ERBB4: variants seen among roughly 807,000 people sequenced by gnomAD.
The protein encoded by ERBB4 is erb-b2 receptor tyrosine kinase 4.
Under a neutral mutation model 158.0 loss-of-function variants are expected in ERBB4, and 42 were observed. That is an observed-to-expected ratio of 0.27 (90% CI 0.21 to 0.34). The LOEUF is 0.34. ERBB4 is among the 10% of genes least tolerant of loss of function. The probability of loss-of-function intolerance (pLI) is 1.00; values close to 1 mark genes in which losing one functional copy is unlikely to be tolerated. For synonymous variants in ERBB4, 583 were observed against 558.7 expected, an observed-to-expected ratio of 1.04 and a Z score of -0.61; for missense variants, 1,333 against 1,624.1, an observed-to-expected ratio of 0.82 and a Z score of 3.08.
chr2:212,216,057 G>C (rs2083089053), intron 1 of ERBB4, among the ~76,000 whole-genome samples: 1 of 151,282 alleles, frequency 6.6e-6, no homozygotes, highest in South Asian at 2.1e-4. Flanking sequence ...AAAAAGATTT[G>C]CGCCGGTGTT....
intron 20 of ERBB4, among the ~76,000 whole-genome samples, chr2:211,520,686 T>C (rs2066163467): frequency 6.6e-6 from 1 of 152,158 alleles, no homozygotes; most frequent in Admixed American, 6.5e-5. Flanking sequence ...CTTTAGTTGA[T>C]TGTACTGCAC....
At chr2:211,979,524 A>AACTTAATTT (rs2081730847) in intron 2 of ERBB4, among the ~76,000 whole-genome samples, 2 of 152,134 alleles carry the variant, frequency 1.3e-5, no homozygotes, top group African/African-American at 4.8e-5. Context: ...GTAATCCTTA[A>AACTTAATTT]ACTTAATTTT....
intron 2 of ERBB4, among the ~76,000 whole-genome samples, chr2:211,977,470 G>C (rs900260458): frequency 1.2e-4 from 16 of 137,110 alleles, no homozygotes; most frequent in African/African-American, 3.5e-4. Flanking sequence ...ACTTCTCAGA[G>C]TGCCTTTTTT....
intron 1 of ERBB4, among the ~76,000 whole-genome samples, chr2:212,306,385 C>T (rs949124492): frequency 1.3e-5 from 2 of 151,450 alleles, no homozygotes; most frequent in Non-Finnish European, 3.0e-5. Context: ...CTGTGAGGCA[C>T]AGGAAACTCC....
intron 2 of ERBB4, among the ~76,000 whole-genome samples, chr2:212,071,989 C>T (rs1455324633): frequency 6.6e-6 from 1 of 151,920 alleles, no homozygotes; most frequent in Non-Finnish European, 1.5e-5. Context: ...TTGAATTGTA[C>T]AGAAGAAGAA....
chr2:212,376,048 A>G (rs1486430601), intron 1 of ERBB4, among the ~76,000 whole-genome samples: 2 of 151,922 alleles, frequency 1.3e-5, no homozygotes, highest in African/African-American at 4.8e-5. Context: ...ATTGATGAAG[A>G]CCAATGATTG....
intron 1 of ERBB4, among the ~76,000 whole-genome samples, chr2:212,223,113 C>T (rs2083351216): frequency 1.3e-5 from 2 of 151,438 alleles, no homozygotes; most frequent in African/African-American, 4.8e-5. Flanking sequence ...CACTTATACA[C>T]ATATATACAT....
chr2:211,925,912 A>T (rs1290749825), intron 3 of ERBB4, among the ~76,000 whole-genome samples: 1 of 152,116 alleles, frequency 6.6e-6, no homozygotes, highest in Non-Finnish European at 1.5e-5. Context: ...TTCTGTATTT[A>T]ACCTTAACTC....
chr2:211,748,677 C>T (rs2075042603), intron 5 of ERBB4, among the ~76,000 whole-genome samples: 1 of 152,204 alleles, frequency 6.6e-6, no homozygotes, highest in South Asian at 2.1e-4. Flanking sequence ...GCAGAAGCCT[C>T]TTTGACCCCT....
chr2:212,366,764 T>C (rs536599946), intron 1 of ERBB4, among the ~76,000 whole-genome samples: 1 of 152,172 alleles, frequency 6.6e-6, no homozygotes, highest in Non-Finnish European at 1.5e-5. Flanking sequence ...TAAATGAATT[T>C]ATAAAGCACA....
chr2:211,739,329 C>G (rs1229943752), intron 5 of ERBB4, among the ~76,000 whole-genome samples: 2 of 152,142 alleles, frequency 1.3e-5, no homozygotes, highest in Non-Finnish European at 2.9e-5. Flanking sequence ...AAATGTCTAA[C>G]TTTGTTAGAT....
At chr2:212,269,799 G>T (rs887985100) in intron 1 of ERBB4, among the ~76,000 whole-genome samples, 1 of 151,760 alleles carries the variant, frequency 6.6e-6, no homozygotes, top group Non-Finnish European at 1.5e-5. Context: ...AAGCCCAATT[G>T]AGTGTTCACT....
chr2:212,007,691 G>T (rs1012984788), intron 2 of ERBB4, among the ~76,000 whole-genome samples: 2 of 151,672 alleles, frequency 1.3e-5, no homozygotes, highest in African/African-American at 4.8e-5. Flanking sequence ...TAATCCTTAA[G>T]CACTACACAG....
intron 1 of ERBB4, among the ~76,000 whole-genome samples, chr2:212,322,590 A>G (rs889263693): frequency 1.3e-5 from 2 of 150,626 alleles, no homozygotes; most frequent in Non-Finnish European, 3.0e-5. Flanking sequence ...AGGTTATTAG[A>G]TGAAAATAAG....
intron 14 of ERBB4, among the ~76,000 whole-genome samples, chr2:211,666,574 CA>C (rs1300763757): frequency 6.6e-6 from 1 of 152,144 alleles, no homozygotes; most frequent in Non-Finnish European, 1.5e-5. Flanking sequence ...GGTATATCGT[CA>C]GAGCAAAGAA....
intron 1 of ERBB4, among the ~76,000 whole-genome samples, chr2:212,509,581 A>C (rs1691392086): frequency 6.6e-6 from 1 of 152,044 alleles, no homozygotes; most frequent in Admixed American, 6.6e-5. Flanking sequence ...AATTTAAATA[A>C]GTTTATGTTC....
intron 1 of ERBB4, among the ~76,000 whole-genome samples, chr2:212,381,527 C>G (rs1488170125): frequency 6.6e-6 from 1 of 151,272 alleles, no homozygotes; most frequent in East Asian, 1.9e-4. Flanking sequence ...CTAAAACTTT[C>G]TTAACTCTCC....
intron 4 of ERBB4, among the ~76,000 whole-genome samples, chr2:211,765,320 T>A (rs977599101): frequency 2.0e-5 from 3 of 152,138 alleles, no homozygotes; most frequent in African/African-American, 7.2e-5. Flanking sequence ...TCCTGAAATA[T>A]GGTCAGATAA....
chr2:212,030,333 C>T (rs764215983), intron 2 of ERBB4, among the ~76,000 whole-genome samples: 1 of 152,136 alleles, frequency 6.6e-6, no homozygotes, highest in South Asian at 2.1e-4. Context: ...ACCACTTTCT[C>T]CCCTATCCAG....
Sources: gnomAD v4.1 joint callset for allele counts (sites outside exome capture counted in the v4.1 genomes callset) on GRCh38, gnomAD v4.1.1 for gene constraint, MANE v1.5 for transcripts, NCBI Gene and HGNC (gene_info 2026-07-23, HGNC 2026-07-21) for gene names.